BFSP2: variants seen among roughly 807,000 people sequenced by gnomAD.
BFSP2 encodes phakinin.
In BFSP2, 38 loss-of-function variants were observed where a neutral mutation model predicts 44.9. The observed-to-expected ratio is 0.85, with a 90% confidence interval of 0.65 to 1.11. The LOEUF (loss-of-function observed/expected upper bound fraction) is 1.11. Among genes scored for constraint, BFSP2 ranks in the 50% least tolerant of loss-of-function variants. The pLI is 0.00. For synonymous variants in BFSP2, 197 were observed against 209.9 expected, an observed-to-expected ratio of 0.94 and a Z score of 0.53; for missense variants, 525 against 533.0, an observed-to-expected ratio of 0.99 and a Z score of 0.15.
Position 133,474,976 on chromosome 3 carries a change from A to G in BFSP2, c.*4A>G, listed in dbSNP as rs1435570014. On this transcript the variant is annotated 3_prime_UTR_variant, in exon 7 of 7. Transcript: ENST00000302334. ...CTATGTGTTTCCTTTCAGCTGATGG[A>G]GAAACTTCCTCTTTTTCATGAAGAA... The G allele has an allele frequency of 1.2e-6, 2 of 1,614,136 alleles. No homozygotes were observed. Among genetic ancestry groups the G allele is most frequent in the Admixed American group, 3.3e-5 (2 of 60,014 alleles).
At chr3:133,438,870 T>C (rs1353871226) in intron 1 of BFSP2, among the ~76,000 whole-genome samples, 1 of 152,220 alleles carries the variant, frequency 6.6e-6, no homozygotes, top group Admixed American at 6.5e-5. Context: ...GGGGTCATTA[T>C]TCTAGACTCT....
chr3:133,430,793 A>G lies in BFSP2; in HGVS notation c.490-16524A>G, dbSNP rs574281153. On this transcript the variant is annotated intron_variant, in intron 1 of 6. Coordinates refer to ENST00000302334, the MANE Select transcript of BFSP2 (RefSeq NM_003571.4). ...TCTAATCTTCCTTTTCTACAGACCC[A>G]TCTGACCTCTCCCCTCCTCACCAGG... 1.6e-4 allele frequency among the ~76,000 whole-genome samples: 25 copies of G among 151,978 alleles called. No individual in the cohort carries two copies. In the East Asian group the frequency reaches 4.8e-3, roughly 29 times the overall value.
At chr3:133,470,631 G>A (rs1177379175) in intron 5 of BFSP2, among the ~76,000 whole-genome samples, 1 of 152,172 alleles carries the variant, frequency 6.6e-6, no homozygotes, top group Non-Finnish European at 1.5e-5. Flanking sequence ...GGGAGACATA[G>A]ATAGTGCAAT....
chr3:133,449,312 A>G (rs963442364), intron 3 of BFSP2: 2 of 152,420 alleles, frequency 1.3e-5, no homozygotes, highest in African/African-American at 2.4e-5. Context: ...CTACTCTCCA[A>G]CAGTAACCAT....
intron 3 of BFSP2, chr3:133,448,890 T>G (rs1195645120): frequency 1.9e-6 from 1 of 528,044 alleles, no homozygotes; most frequent in East Asian, 3.4e-5. Context: ...GCAGCCAGTC[T>G]TGGCACTAGC....
chr3:133,465,132 T>G (rs2074098392), intron 4 of BFSP2, among the ~76,000 whole-genome samples: 1 of 151,642 alleles, frequency 6.6e-6, no homozygotes, highest in Non-Finnish European at 1.5e-5. Context: ...GCCTCCCGAG[T>G]AGCTGGGACT....
In BFSP2 at chr3:133,430,010, G is replaced by C. The variant is rs368960830; in HGVS notation, c.490-17307G>C. Among the ~76,000 whole-genome samples the C allele has an allele frequency of 4.8e-3, 729 of 150,518 alleles. 16 individuals carry two copies. The East Asian group carries it at 0.065, about 13-fold the overall frequency. ...TATGAGTGAGAACATGCGGTGTTTG[G>C]TTTTTTGTCCTTGTGATAGTTTGCT... On this transcript the variant is annotated intron_variant, in intron 1 of 6. Transcript: ENST00000302334.
chr3:133,473,612 G>A (rs1021207579), intron 6 of BFSP2, among the ~76,000 whole-genome samples: 3 of 151,112 alleles, frequency 2.0e-5, no homozygotes, highest in Admixed American at 6.6e-5. Context: ...GCGGCCTTCC[G>A]CAGTGTTTGT....
chr3:133,451,786 AAAAC>A (rs1447862672), intron 4 of BFSP2, among the ~76,000 whole-genome samples: 1 of 152,248 alleles, frequency 6.6e-6, no homozygotes, highest in Non-Finnish European at 1.5e-5. Flanking sequence ...TCATGGAAGA[AAAAC>A]AACTTTTATT....
In BFSP2 at chr3:133,472,537, C is replaced by G. The variant is rs532472603; in HGVS notation, c.1216C>G (p.His406Asp). The change falls in exon 6 of 7, where the codon CAC becomes GAC. Residue 406 changes from histidine (H) to aspartate (D), a missense_variant. Physicochemically the swap from His to Asp is moderately conservative, Grantham distance 81. Transcript: ENST00000302334. ...CQLQKDVASY[H>D]ALLDREESG ...GCTGCAGAAGGACGTGGCGTCCTAC[C>G]ACGCCCTGCTGGACAGGGAGGAGAG... is the stretch of plus-strand genomic sequence containing the variant. 9 of 1,612,392 alleles carry G rather than the reference C, an allele frequency of 5.6e-6. No homozygotes were observed. In the African/African-American group the frequency reaches 8.0e-5, roughly 14 times the overall value.
At chr3:133,470,675 G>A (rs917150787) in intron 5 of BFSP2, among the ~76,000 whole-genome samples, 4 of 151,048 alleles carry the variant, frequency 2.6e-5, no homozygotes, top group African/African-American at 9.8e-5. Context: ...TATCATCCAG[G>A]GCAATCTACA....
chr3:133,416,233 A>G (rs1238806578), intron 1 of BFSP2, among the ~76,000 whole-genome samples: 2 of 70,622 alleles, frequency 2.8e-5, no homozygotes, highest in Non-Finnish European at 5.5e-5. Flanking sequence ...TCACCCCTCT[A>G]CTCAACCCTG....
chr3:133,402,798 GC>G (rs1349400871), intron 1 of BFSP2, among the ~76,000 whole-genome samples: 1 of 151,708 alleles, frequency 6.6e-6, no homozygotes, highest in Non-Finnish European at 1.5e-5. Context: ...ACGCCACCAC[GC>G]CCAGCTAATT....
intron 1 of BFSP2, among the ~76,000 whole-genome samples, chr3:133,442,091 C>T (rs2073850711): frequency 6.6e-6 from 1 of 152,196 alleles, no homozygotes; most frequent in Non-Finnish European, 1.5e-5. Flanking sequence ...CTGGGTTTTA[C>T]TCTAAGTATA....
At chr3:133,438,194 C>T (rs759069805) in intron 1 of BFSP2, among the ~76,000 whole-genome samples, 1 of 152,152 alleles carries the variant, frequency 6.6e-6, no homozygotes, top group African/African-American at 2.4e-5. Flanking sequence ...TGGCAGATAA[C>T]TTGAGCAATC....
intron 1 of BFSP2, among the ~76,000 whole-genome samples, chr3:133,416,382 C>T (rs1411182179): frequency 6.8e-6 from 1 of 147,684 alleles, no homozygotes; most frequent in African/African-American, 2.5e-5. Flanking sequence ...TGCCCTCTCC[C>T]CTCTACTCAC....
intron 1 of BFSP2, among the ~76,000 whole-genome samples, chr3:133,422,765 C>CTGCCAGAATATAGCCCAGGTGT (rs140659514): frequency 2.2e-3 from 328 of 147,236 alleles, no homozygotes; most frequent in Non-Finnish European, 3.8e-3. Flanking sequence ...AGCCCAGCAC[C>CTGCCAGAATATAGCCCAGGTGT]TGCCAGAATA....
intron 4 of BFSP2, among the ~76,000 whole-genome samples, chr3:133,458,031 G>C (rs1328121332): frequency 6.6e-6 from 1 of 152,190 alleles, no homozygotes; most frequent in South Asian, 2.1e-4. Flanking sequence ...GGCCCCAAAA[G>C]TGTGTGCACT....
chr3:133,402,338 T>C (rs1022403468), intron 1 of BFSP2, among the ~76,000 whole-genome samples: 3 of 152,238 alleles, frequency 2.0e-5, no homozygotes, highest in Non-Finnish European at 4.4e-5. Flanking sequence ...AGTTTCATTA[T>C]CTACAAAATG....
Sources: gnomAD v4.1 joint callset for allele counts (sites outside exome capture counted in the v4.1 genomes callset) on GRCh38, gnomAD v4.1.1 for gene constraint, MANE v1.5 for transcripts, NCBI Gene and HGNC (gene_info 2026-07-23, HGNC 2026-07-21) for gene names.